SLC25A40: variants seen among roughly 807,000 people sequenced by gnomAD.
SLC25A40 encodes solute carrier family 25 member 40, also known as mitochondrial glutathione transporter SLC25A40.
A neutral mutation model predicts 46.5 loss-of-function variants in SLC25A40; 41 were observed. The observed-to-expected ratio is 0.88, with a 90% confidence interval of 0.69 to 1.14. The LOEUF (loss-of-function observed/expected upper bound fraction) is 1.14, where lower values mean the gene tolerates loss of function less well. Ranked by LOEUF, SLC25A40 falls within the 50% of genes most tolerant of loss-of-function variation. SLC25A40 has a pLI of 0.00. For synonymous variants in SLC25A40, 126 were observed against 127.5 expected, an observed-to-expected ratio of 0.99 and a Z score of 0.08; for missense variants, 386 against 393.6, an observed-to-expected ratio of 0.98 and a Z score of 0.16.
chr7:87,873,310 A>G (rs1184764868), intron 1 of SLC25A40, among the ~76,000 whole-genome samples: 1 of 152,132 alleles, frequency 6.6e-6, no homozygotes, highest in Non-Finnish European at 1.5e-5. Context: ...ATATTTGGGT[A>G]TGTGTGAGGT....
At chr7:87,841,913 C>G (rs933964238) in intron 9 of SLC25A40, 199 bp from the exon 10 acceptor site, 63 of 325,020 alleles carry the variant, frequency 1.9e-4, no homozygotes, top group South Asian at 1.1e-3. Context: ...AGTAAAAAGC[C>G]TCAGAAAAAT....
chr7:87,875,656 T>A (rs1838988456), intron 1 of SLC25A40, among the ~76,000 whole-genome samples: 1 of 152,018 alleles, frequency 6.6e-6, no homozygotes, highest in African/African-American at 2.4e-5. Flanking sequence ...AAAAATGAGA[T>A]GTTACTTTCC....
In SLC25A40 at chr7:87,848,369, C is replaced by A. The variant is rs1414282538; in HGVS notation, c.333-392G>T. ...GAGCCGAGATCGTGCCACTGCACTC[C>A]AGCCTATTTAGGGACAGAGCAAGAC... On this transcript the variant is annotated intron_variant, in intron 6 of 11. Transcript: ENST00000341119. 3.9e-5 allele frequency among the ~76,000 whole-genome samples: 6 copies of A among 152,170 alleles called. No homozygotes were observed. The East Asian group carries it at 9.7e-4, about 25-fold the overall frequency.
Position 87,876,358 on chromosome 7 carries a change from G to A in SLC25A40, c.-356C>T, listed in dbSNP as rs984105087. On this transcript the variant is annotated 5_prime_UTR_variant, in exon 1 of 12. Coordinates refer to ENST00000341119, the MANE Select transcript of SLC25A40 (RefSeq NM_018843.4). ...CAGGGCCAGAGCGAGGCGCGAGAAG[G>A]ACGGCGGCGTGAGGGGGCGGGGCGC... is the stretch of plus-strand genomic sequence containing the variant. The A allele has an allele frequency of 6.1e-5, 12 of 197,088 alleles. No individual in the cohort carries two copies. The highest frequency in any genetic ancestry group is 2.6e-4 in the African/African-American group (11 of 42,880). 12.2% of individuals were successfully genotyped at this position (197,088 alleles called of 1,614,324 possible). A position where few individuals can be genotyped will look rare whatever the true frequency, so the allele number is the denominator to read the frequency against.
At chr7:87,870,590 C>T (rs1195027147) in intron 1 of SLC25A40, among the ~76,000 whole-genome samples, 2 of 152,088 alleles carry the variant, frequency 1.3e-5, no homozygotes, top group African/African-American at 4.8e-5. Flanking sequence ...CTACCTATGA[C>T]CTGCCCCACC....
At chr7:87,841,014 G>A (rs560951674) in intron 10 of SLC25A40, among the ~76,000 whole-genome samples, 1 of 151,472 alleles carries the variant, frequency 6.6e-6, no homozygotes, top group East Asian at 1.9e-4. Flanking sequence ...GATGACAGAG[G>A]GATCCTAGTA....
chr7:87,854,471 G>A (rs1365396764), intron 4 of SLC25A40, among the ~76,000 whole-genome samples, 161 bp from the exon 5 acceptor site: 1 of 152,134 alleles, frequency 6.6e-6, no homozygotes, highest in African/African-American at 2.4e-5. Context: ...GGATGAAACA[G>A]ACAAAATTAA....
At chr7:87,855,161 CAA>C (rs544710430) in intron 4 of SLC25A40, among the ~76,000 whole-genome samples, 17 of 54,460 alleles carry the variant, frequency 3.1e-4, no homozygotes, top group Admixed American at 5.9e-4. Flanking sequence ...GACCCAGTCT[CAA>C]AAAAAAAAAA....
chr7:87,854,299 CA>C lies in SLC25A40; in HGVS notation c.168del (p.Phe56LeufsTer56), dbSNP rs781594725. On this transcript the variant is annotated frameshift_variant, in exon 5 of 12. Transcript: ENST00000341119. LOFTEE classifies it high-confidence loss of function. The part of the protein sequence containing the change: ...QNNPLPKGKC[F>X]VYSNGLMDHL... ...TGATCCATGAGTCCATTACTATATA[CA>C]AAACATTTTCCTAACAAAGAAGATT... 4 of 1,601,030 alleles carry C rather than the reference CA, an allele frequency of 2.5e-6. 1 individual carries two copies. The South Asian group carries it at 4.5e-5, about 18-fold the overall frequency.
chr7:87,847,795 C>T (rs1375377946), intron 7 of SLC25A40, 58 bp downstream of exon 7: 3 of 1,529,112 alleles, frequency 2.0e-6, no homozygotes, highest in Non-Finnish European at 1.8e-6. Context: ...GTGAATGTCA[C>T]AACTTAAACA....
intron 10 of SLC25A40, among the ~76,000 whole-genome samples, chr7:87,839,488 G>A (rs1262337437): frequency 6.7e-6 from 1 of 149,870 alleles, no homozygotes; most frequent in Non-Finnish European, 1.5e-5. Flanking sequence ...TATTAAATGT[G>A]TTCAGAGAAA....
At chr7:87,861,103 T>A (rs1205325194) in intron 1 of SLC25A40, among the ~76,000 whole-genome samples, 2 of 152,164 alleles carry the variant, frequency 1.3e-5, no homozygotes, top group Non-Finnish European at 2.9e-5. Context: ...TCACAGGAAA[T>A]TCAGCAACTA....
chr7:87,842,720 T>G (rs567123142), intron 9 of SLC25A40, among the ~76,000 whole-genome samples: 125 of 152,134 alleles, frequency 8.2e-4, no homozygotes, highest in African/African-American at 3.0e-3. Context: ...ATTCAGGTGT[T>G]TTTTCTGTTG....
intron 1 of SLC25A40, among the ~76,000 whole-genome samples, chr7:87,867,168 A>C (rs1838816105): frequency 6.6e-6 from 1 of 152,184 alleles, no homozygotes. Flanking sequence ...AAGTTTGGGA[A>C]AGTTTTCTGT....
chr7:87,842,161 A>C (rs1035031876), intron 9 of SLC25A40: 4 of 192,254 alleles, frequency 2.1e-5, no homozygotes, highest in Non-Finnish European at 3.3e-5. Flanking sequence ...AATTTGAATA[A>C]AGAAAATGAA....
intron 1 of SLC25A40, among the ~76,000 whole-genome samples, chr7:87,870,333 G>A (rs1178001273): frequency 6.6e-6 from 1 of 152,016 alleles, no homozygotes; most frequent in Non-Finnish European, 1.5e-5. Context: ...TTGGCCTTCT[G>A]AAGCAAAGGA....
chr7:87,851,038 T>C (rs1838499394), intron 5 of SLC25A40, among the ~76,000 whole-genome samples: 1 of 152,196 alleles, frequency 6.6e-6, no homozygotes, highest in South Asian at 2.1e-4. Context: ...CATGACTCAG[T>C]AATTTCAACT....
chr7:87,834,031 C>A lies in SLC25A40; in HGVS notation c.*2218G>T, dbSNP rs1484739602. Reference sequence around the variant, plus strand: ...TTCCTTCCTAAAATTTTACATTAATCAATTAAATGTTTATGTTAGAAAATT... The same window carrying A: ...TTCCTTCCTAAAATTTTACATTAATAAATTAAATGTTTATGTTAGAAAATT... On this transcript the variant is annotated 3_prime_UTR_variant, in exon 12 of 12. Coordinates refer to ENST00000341119, the MANE Select transcript of SLC25A40 (RefSeq NM_018843.4). The A allele has an allele frequency of 1.3e-5, 2 of 151,774 alleles. No individual in the cohort carries two copies. The highest frequency in any genetic ancestry group is 2.9e-5 in the Non-Finnish European group (2 of 67,874). The allele number at this position is 151,774 out of a possible 1,614,324, so 9.4% of individuals were successfully genotyped here. A position where few individuals can be genotyped will look rare whatever the true frequency, so the allele number is the denominator to read the frequency against.
At chr7:87,866,079 T>C (rs1374048865) in intron 1 of SLC25A40, among the ~76,000 whole-genome samples, 1 of 149,204 alleles carries the variant, frequency 6.7e-6, no homozygotes, top group Non-Finnish European at 1.5e-5. Context: ...CAAAACCCTC[T>C]CTAGGAAAAA....
Sources: allele counts gnomAD v4.1 joint callset (sites outside exome capture counted in the v4.1 genomes callset), GRCh38; gene constraint gnomAD v4.1.1; transcripts MANE v1.5; gene names NCBI Gene and HGNC (gene_info 2026-07-23, HGNC 2026-07-21).